C14orf39: variants seen among roughly 807,000 people sequenced by gnomAD.
C14orf39 encodes protein SIX6OS1.
C14orf39 carries 66 observed loss-of-function variants against 85.6 expected under a neutral mutation model. The ratio of observed to expected loss-of-function variants is 0.77; its 90% CI spans 0.63 to 0.95. The LOEUF (loss-of-function observed/expected upper bound fraction) is 0.95, where lower values mean the gene tolerates loss of function less well. C14orf39 is among the 40% of genes least tolerant of loss of function. C14orf39 has a pLI of 0.00. For synonymous variants in C14orf39, 242 were observed against 214.0 expected, an observed-to-expected ratio of 1.13 and a Z score of -1.14; for missense variants, 735 against 663.9, an observed-to-expected ratio of 1.11 and a Z score of -1.18.
rs926836581 is a variant in C14orf39 at position 60,461,711 on chromosome 14, A to G, written c.973-118T>C. The G allele has an allele frequency of 9.1e-6, 5 of 550,450 alleles. No homozygotes were observed. The Admixed American group carries it at 1.1e-4, about 12-fold the overall frequency. The allele number at this position is 550,450 out of a possible 1,614,324, so 34.1% of individuals were successfully genotyped here. A position where few individuals can be genotyped will look rare whatever the true frequency, so the allele number is the denominator to read the frequency against. Reference sequence around the variant, plus strand: ...GTATTTCATCCTTTCCATCATTACCATCATTATCAACATCAACAACTACAC... The same window carrying G: ...GTATTTCATCCTTTCCATCATTACCGTCATTATCAACATCAACAACTACAC... On this transcript the variant is annotated intron_variant, in intron 11 of 17. Coordinates refer to ENST00000321731, the MANE Select transcript of C14orf39 (RefSeq NM_174978.3).
Position 60,509,581 on chromosome 14 carries a change from C to G in C14orf39, c.-144+5814G>C, listed in dbSNP as rs1226047712. ...TGCTACGCGCACGAGCCATCGTGGC[C>G]TTTCACGGTGGCAACTACCGCGAGC... On this transcript the variant is annotated intron_variant, in intron 1 of 5. Transcript: ENST00000556799. The G allele has an allele frequency of 3.1e-6, 5 of 1,613,040 alleles. No individual in the cohort carries two copies. Among genetic ancestry groups the G allele is most frequent in the African/African-American group, 1.3e-5 (1 of 74,942 alleles).
intron 1 of C14orf39, among the ~76,000 whole-genome samples, chr14:60,501,155 T>A (rs2140181768): frequency 6.6e-6 from 1 of 151,870 alleles, no homozygotes; most frequent in Non-Finnish European, 1.5e-5. Context: ...AAAAAATTAT[T>A]AATTAGCCAG....
In C14orf39 at chr14:60,469,693, A is replaced by G. The variant is rs143499982; in HGVS notation, c.555-40T>C. Reference sequence around the variant, plus strand: ...GAACTATGTCATATAAGTAAATTTTATATTTATAATATATGTGCCATATCA... The same window carrying G: ...GAACTATGTCATATAAGTAAATTTTGTATTTATAATATATGTGCCATATCA... On this transcript the variant is annotated intron_variant, in intron 7 of 17. Coordinates refer to ENST00000321731, the MANE Select transcript of C14orf39 (RefSeq NM_174978.3). 1.0e-3 allele frequency: 845 copies of G among 827,658 alleles called. 8 individuals carry two copies. The African/African-American group carries it at 0.014, about 14-fold the overall frequency. 51.3% of individuals were successfully genotyped at this position (827,658 alleles called of 1,614,324 possible). A position where few individuals can be genotyped will look rare whatever the true frequency, so the allele number is the denominator to read the frequency against.
At chr14:60,455,288 G>C (rs1951115) in intron 15 of C14orf39, 143 bp from the exon 16 acceptor site, 66,774 of 549,914 alleles carry the variant, frequency 0.12, 6,882 homozygotes, top group African/African-American at 0.39. Context: ...CAATCCTATC[G>C]AGAAAGGATT....
At position 60,484,907 on chromosome 14, in the gene C14orf39, T is replaced by G; in HGVS notation, c.80A>C (p.Lys27Thr). ...VFQYEQDIST[K>T]EEMIQRINKC... ...ATTAATTCTTTGAATCATCTCTTCT[T>G]TAGTACTTATGTCTTGCTCATACTG... The change falls in exon 3 of 18, where the codon AAA (lysine) becomes ACA (threonine). Residue 27 changes from lysine to threonine, a missense_variant. Coordinates refer to ENST00000321731, the MANE Select transcript of C14orf39 (RefSeq NM_174978.3). This position sits in a 1 kb window ranked among gnomAD's most constrained non-coding sequence, Gnocchi z 4.2. 1 of 1,568,898 alleles carries G rather than the reference T, an allele frequency of 6.4e-7. No homozygotes were observed. Among genetic ancestry groups the G allele is most frequent in the Non-Finnish European group, 8.7e-7 (1 of 1,153,412 alleles).
chr14:60,444,635 T>C (rs1051939583), intron 16 of C14orf39, among the ~76,000 whole-genome samples: 10 of 152,184 alleles, frequency 6.6e-5, no homozygotes, highest in African/African-American at 2.4e-4. Flanking sequence ...TTCAGGATAT[T>C]ATCCAGGAGA....
intron 2 of C14orf39, chr14:60,495,896 T>G (rs746147911): frequency 1.1e-4 from 43 of 401,938 alleles, no homozygotes; most frequent in Non-Finnish European, 2.0e-4. Context: ...GAAAGAACTC[T>G]GGAAGAGCAC....
chr14:60,470,045 T>C (rs1214001108), intron 7 of C14orf39, among the ~76,000 whole-genome samples: 4 of 151,508 alleles, frequency 2.6e-5, no homozygotes. Flanking sequence ...ATTTATTTGT[T>C]CAAAGACAAT....
intron 1 of C14orf39, among the ~76,000 whole-genome samples, chr14:60,504,919 T>C (rs1484780615): frequency 6.6e-6 from 1 of 152,208 alleles, no homozygotes; most frequent in East Asian, 1.9e-4. Context: ...TAATTAATCA[T>C]CACTGTGAAG....
chr14:60,495,761 C>A, intron 2 of C14orf39: 1 of 242,698 alleles, frequency 4.1e-6, no homozygotes, highest in East Asian at 1.0e-4. Context: ...CAAAAGCTTG[C>A]TACGATACTT....
chr14:60,459,782 T>A (rs1891436638), intron 13 of C14orf39, among the ~76,000 whole-genome samples: 1 of 151,832 alleles, frequency 6.6e-6, no homozygotes, highest in South Asian at 2.1e-4. Flanking sequence ...TATGCTTTTA[T>A]ACTTTGCACA....
intron 2 of C14orf39, chr14:60,495,485 C>A: frequency 5.5e-6 from 1 of 182,958 alleles, no homozygotes; most frequent in East Asian, 1.4e-4. Flanking sequence ...GAGAGCATCC[C>A]TGTTACAAAG....
chr14:60,474,537 T>G (rs1256232996), intron 5 of C14orf39, among the ~76,000 whole-genome samples: 1 of 150,780 alleles, frequency 6.6e-6, no homozygotes, highest in Admixed American at 6.6e-5. Flanking sequence ...GGCTGTGGGT[T>G]TGTCATAAAT....
At chr14:60,481,293 GTACAT>G (rs2140154699) in intron 4 of C14orf39, among the ~76,000 whole-genome samples, 1 of 152,202 alleles carries the variant, frequency 6.6e-6, no homozygotes, top group Non-Finnish European at 1.5e-5. Context: ...ACATTTGGTT[GTACAT>G]TACATCTTTG....
chr14:60,454,491 A>G (rs935403530), intron 16 of C14orf39, among the ~76,000 whole-genome samples: 7 of 152,002 alleles, frequency 4.6e-5, no homozygotes, highest in African/African-American at 1.4e-4. Context: ...CTACACTGTA[A>G]TGTTTCTACT....
intron 10 of C14orf39, among the ~76,000 whole-genome samples, chr14:60,466,593 G>A (rs1444280257): frequency 1.3e-5 from 2 of 151,826 alleles, no homozygotes; most frequent in Non-Finnish European, 2.9e-5. Context: ...TCTTTTACCT[G>A]CCTAAGTCAC....
intron 16 of C14orf39, among the ~76,000 whole-genome samples, chr14:60,444,656 T>C (rs911657079): frequency 1.3e-5 from 2 of 152,100 alleles, no homozygotes; most frequent in Non-Finnish European, 2.9e-5. Context: ...ACTTCCCTAA[T>C]CTAGCAAGGC....
At chr14:60,439,860 G>A (rs989776128) in intron 17 of C14orf39, among the ~76,000 whole-genome samples, 2 of 152,150 alleles carry the variant, frequency 1.3e-5, no homozygotes, top group Non-Finnish European at 2.9e-5. Context: ...GATCACCTGA[G>A]GTCAGGAATT....
intron 5 of C14orf39, among the ~76,000 whole-genome samples, chr14:60,475,358 A>T (rs1047067749): frequency 6.6e-6 from 1 of 151,774 alleles, no homozygotes; most frequent in Non-Finnish European, 1.5e-5. Context: ...CTACACAAAA[A>T]ACCGTTCAAA....
Sources: gnomAD v4.1 joint callset for allele counts (sites outside exome capture counted in the v4.1 genomes callset) on GRCh38, gnomAD v4.1.1 for gene constraint, Gnocchi (gnomAD v3.1) non-coding constraint, MANE v1.5 for transcripts, NCBI Gene and HGNC (gene_info 2026-07-23, HGNC 2026-07-21) for gene names.